The following RFC3 variants were observed in gnomAD, a reference collection of about 807,000 sequenced individuals.
RFC3 encodes the protein A1 38 kDa subunit.
In RFC3, 41 loss-of-function variants were observed where a neutral mutation model predicts 45.1. That is an observed-to-expected ratio of 0.91 (90% CI 0.71 to 1.18). RFC3 has a LOEUF of 1.18. Among genes scored for constraint, RFC3 ranks in the 50% most tolerant of loss-of-function variants. The probability of loss-of-function intolerance (pLI) is 0.00; values close to 1 mark genes in which losing one functional copy is unlikely to be tolerated. For missense variants in RFC3, 423 were observed against 428.1 expected (o/e 0.99, Z 0.10); for synonymous variants, 149 against 144.0 (o/e 1.03, Z -0.25).
intron 8 of RFC3, among the ~76,000 whole-genome samples, chr13:33,898,225 T>G (rs1181433992): frequency 6.6e-6 from 1 of 152,054 alleles, no homozygotes; most frequent in African/African-American, 2.4e-5. Flanking sequence ...CATCAGCACA[T>G]AAAATATTCT....
intron 8 of RFC3, among the ~76,000 whole-genome samples, chr13:33,956,076 G>C (rs1040885815): frequency 6.6e-6 from 1 of 152,116 alleles, no homozygotes; most frequent in African/African-American, 2.4e-5. Context: ...CTATTTGTTT[G>C]CATTCAACTC....
At chr13:33,936,124 C>A (rs1284722304) in intron 8 of RFC3, among the ~76,000 whole-genome samples, 1 of 152,138 alleles carries the variant, frequency 6.6e-6, no homozygotes, top group Non-Finnish European at 1.5e-5. Flanking sequence ...AGCAGAAAGC[C>A]TTGGTCTTAT....
intron 8 of RFC3, among the ~76,000 whole-genome samples, chr13:33,888,634 C>G (rs1446453130): frequency 1.3e-5 from 2 of 151,890 alleles, no homozygotes; most frequent in Non-Finnish European, 2.9e-5. Flanking sequence ...AAAAATTATC[C>G]AGATCTCATA....
chr13:33,896,418 G>C (rs765227325), intron 8 of RFC3, among the ~76,000 whole-genome samples: 26 of 151,808 alleles, frequency 1.7e-4, no homozygotes, highest in Non-Finnish European at 3.1e-4. Context: ...GATAGTAAAA[G>C]CAGCAAAAGA....
intron 8 of RFC3, among the ~76,000 whole-genome samples, chr13:33,856,382 G>A (rs2082309085): frequency 1.3e-5 from 2 of 151,902 alleles, no homozygotes; most frequent in South Asian, 4.2e-4. Flanking sequence ...ATAACGAATG[G>A]GTATTAGGCT....
intron 8 of RFC3, among the ~76,000 whole-genome samples, chr13:33,866,776 A>G (rs1009994748): frequency 6.6e-6 from 1 of 152,230 alleles, no homozygotes; most frequent in East Asian, 1.9e-4. Flanking sequence ...AGATTTTCCA[A>G]TGGCTCTAAT....
At chr13:33,818,314 C>T (rs750197079) in intron 1 of RFC3, 49 bp downstream of exon 1, 11 of 1,496,762 alleles carry the variant, frequency 7.3e-6, no homozygotes, top group Non-Finnish European at 1.0e-5. Flanking sequence ...CCCCCCGGCT[C>T]GGGGTTTCGC....
At chr13:33,968,524 G>A (rs2083098168), downstream of RFC3, among the ~76,000 whole-genome samples, 1 of 152,216 alleles carries the variant, frequency 6.6e-6, no homozygotes, top group Admixed American at 6.5e-5. Context: ...AGGACAACCA[G>A]ACTTTACCAA....
intron 8 of RFC3, among the ~76,000 whole-genome samples, chr13:33,895,807 A>G (rs575148135): frequency 2.1e-4 from 32 of 152,298 alleles, no homozygotes; most frequent in African/African-American, 7.2e-4. Flanking sequence ...TATGCACACC[A>G]TAGAATACTA....
At chr13:33,962,000 C>G (rs186570653) in intron 8 of RFC3, among the ~76,000 whole-genome samples, 119 of 152,308 alleles carry the variant, frequency 7.8e-4, no homozygotes, top group African/African-American at 2.8e-3. Context: ...CTGATCTCAT[C>G]AGCAATGGTC....
chr13:33,857,665 C>T (rs1182093145), intron 8 of RFC3, among the ~76,000 whole-genome samples: 3 of 152,144 alleles, frequency 2.0e-5, no homozygotes, highest in Admixed American at 6.5e-5. Context: ...TCTCTTTGCT[C>T]ATTAAAACCC....
intron 8 of RFC3, among the ~76,000 whole-genome samples, chr13:33,963,873 A>G (rs1046466698): frequency 9.2e-5 from 14 of 152,206 alleles, no homozygotes; most frequent in African/African-American, 3.4e-4. Flanking sequence ...ATAAAAGGCA[A>G]TTTTGTTTGT....
chr13:33,844,471 CCTT>C (rs1170358254), intron 8 of RFC3, among the ~76,000 whole-genome samples: 6 of 151,866 alleles, frequency 4.0e-5, no homozygotes, highest in East Asian at 3.9e-4. Context: ...TTCCTTCCCT[CCTT>C]CTTGCTTGCC....
intron 1 of RFC3, among the ~76,000 whole-genome samples, chr13:33,819,376 A>G (rs1449358208): frequency 6.6e-6 from 1 of 152,324 alleles, no homozygotes; most frequent in East Asian, 1.9e-4. Context: ...CACTCCTTTT[A>G]AGGAACTCAA....
chr13:33,917,270 C>T (rs893763747), intron 8 of RFC3, among the ~76,000 whole-genome samples: 3 of 152,092 alleles, frequency 2.0e-5, no homozygotes, highest in Non-Finnish European at 4.4e-5. Context: ...CCTGGCTTCT[C>T]GTGGGCCTCT....
downstream of RFC3, among the ~76,000 whole-genome samples, chr13:33,842,290 GAAAA>G (rs760733297): frequency 7.2e-6 from 1 of 138,290 alleles, no homozygotes; most frequent in African/African-American, 2.6e-5. Context: ...CCTGTCTCAG[GAAAA>G]AAAAAAAAAG....
intron 8 of RFC3, among the ~76,000 whole-genome samples, chr13:33,854,357 A>G (rs2082295872): frequency 6.6e-6 from 1 of 152,216 alleles, no homozygotes; most frequent in African/African-American, 2.4e-5. Flanking sequence ...TACATAGACT[A>G]GAGAAGAAAA....
chr13:33,923,279 A>G (rs1484983055), intron 8 of RFC3, among the ~76,000 whole-genome samples: 1 of 152,120 alleles, frequency 6.6e-6, no homozygotes, highest in African/African-American at 2.4e-5. Flanking sequence ...AAAGGCTCCT[A>G]GACAGACACC....
At chr13:33,888,408 C>T (rs989870321) in intron 8 of RFC3, among the ~76,000 whole-genome samples, 2 of 152,140 alleles carry the variant, frequency 1.3e-5, no homozygotes, top group African/African-American at 2.4e-5. Flanking sequence ...CCACAGTTTC[C>T]TGTAATTATA....
Sources: gnomAD v4.1 joint callset for allele counts (sites outside exome capture counted in the v4.1 genomes callset) on GRCh38, gnomAD v4.1.1 for gene constraint, MANE v1.5 for transcripts, NCBI Gene and HGNC (gene_info 2026-07-23, HGNC 2026-07-21) for gene names.